The following SHANK2 variants were observed in gnomAD, a reference collection of about 807,000 sequenced individuals.
SHANK2 encodes the protein SH3 and multiple ankyrin repeat domains protein 2.
SHANK2 carries 43 observed loss-of-function variants against 133.7 expected under a neutral mutation model. The observed-to-expected ratio is 0.32, with a 90% CI of 0.25 to 0.41. The LOEUF is 0.41. Ranked by LOEUF, SHANK2 falls within the 10% of genes least tolerant of loss-of-function variation. SHANK2 has a pLI of 1.00. For synonymous variants in SHANK2, 1,017 were observed against 952.8 expected, an observed-to-expected ratio of 1.07 and a Z score of -1.24; for missense variants, 1,994 against 2,235.8, an observed-to-expected ratio of 0.89 and a Z score of 2.18.
chr11:70,853,033 G>A (rs936458783), intron 11 of SHANK2, among the ~76,000 whole-genome samples: 2 of 152,250 alleles, frequency 1.3e-5, no homozygotes, highest in Admixed American at 1.3e-4. Flanking sequence ...TGGGGAAGCA[G>A]AGCCCTCAGG....
intron 17 of SHANK2, among the ~76,000 whole-genome samples, chr11:70,617,105 G>C (rs1554996207): frequency 6.6e-6 from 1 of 151,990 alleles, no homozygotes. Context: ...GAGTGTGTAT[G>C]TGTGTGAGTG....
chr11:70,933,281 G>A (rs1555082840), intron 10 of SHANK2: 1 of 455,186 alleles, frequency 2.2e-6, no homozygotes, highest in Non-Finnish European at 4.4e-6. Flanking sequence ...GATGAATACT[G>A]TAGGATTAAA....
intron 1 of SHANK2, among the ~76,000 whole-genome samples, chr11:71,234,401 A>C (rs1025593739): frequency 2.7e-5 from 4 of 149,832 alleles, no homozygotes; most frequent in African/African-American, 5.0e-5. Flanking sequence ...AAATAAATAA[A>C]TAACAACAAA....
At chr11:70,489,588 A>G in intron 23 of SHANK2, 1 of 566,200 alleles carries the variant, frequency 1.8e-6, no homozygotes. Flanking sequence ...TGGGCTGGGC[A>G]GACCAGAGTC....
intron 3 of SHANK2, among the ~76,000 whole-genome samples, chr11:71,124,095 A>G (rs1952127883): frequency 6.8e-6 from 1 of 146,848 alleles, no homozygotes; most frequent in Non-Finnish European, 1.5e-5. Flanking sequence ...AATGGCGATG[A>G]TAGTGATCAT....
chr11:70,549,570 G>A (rs566940482), intron 17 of SHANK2, among the ~76,000 whole-genome samples: 49 of 152,284 alleles, frequency 3.2e-4, no homozygotes, highest in African/African-American at 1.0e-3. Context: ...AGGGGCAGGC[G>A]GGGGCCGTGG....
chr11:71,087,118 G>A (rs986002641), intron 8 of SHANK2, among the ~76,000 whole-genome samples: 2 of 152,212 alleles, frequency 1.3e-5, no homozygotes, highest in Non-Finnish European at 2.9e-5. Context: ...GGACCAAGGT[G>A]GCCGGGTGGC....
intron 14 of SHANK2, among the ~76,000 whole-genome samples, chr11:70,762,054 G>T (rs1053348495): frequency 1.3e-5 from 2 of 152,166 alleles, no homozygotes; most frequent in African/African-American, 4.8e-5. Flanking sequence ...TGGGCGTGGG[G>T]TTCTTTTTGC....
At chr11:71,120,780 C>T (rs1265047429) in intron 3 of SHANK2, among the ~76,000 whole-genome samples, 2 of 152,174 alleles carry the variant, frequency 1.3e-5, no homozygotes, top group African/African-American at 2.4e-5. Context: ...CAGGTGGGGC[C>T]GCTCACTACT....
chr11:70,699,058 C>A (rs1945464218), intron 14 of SHANK2, among the ~76,000 whole-genome samples: 1 of 152,110 alleles, frequency 6.6e-6, no homozygotes, highest in Non-Finnish European at 1.5e-5. Context: ...AAGCAGCCTG[C>A]AAAGATGAGA....
intron 1 of SHANK2, among the ~76,000 whole-genome samples, chr11:71,236,704 T>C (rs1008368937): frequency 1.3e-5 from 2 of 152,238 alleles, no homozygotes; most frequent in African/African-American, 2.4e-5. Flanking sequence ...GGAATACAGC[T>C]GTGTCCATTC....
At chr11:70,612,892 G>A (rs1418409122) in intron 17 of SHANK2, among the ~76,000 whole-genome samples, 1 of 152,084 alleles carries the variant, frequency 6.6e-6, no homozygotes, top group African/African-American at 2.4e-5. Flanking sequence ...AGATTCACGC[G>A]CCTTGATGAA....
intron 14 of SHANK2, among the ~76,000 whole-genome samples, chr11:70,722,845 T>C (rs1011802252): frequency 1.3e-5 from 2 of 152,234 alleles, no homozygotes; most frequent in Non-Finnish European, 2.9e-5. Context: ...TTACGACTTA[T>C]GAGAAGTGGC....
chr11:70,531,336 G>A (rs1334115774), intron 17 of SHANK2, among the ~76,000 whole-genome samples: 2 of 152,262 alleles, frequency 1.3e-5, no homozygotes, highest in African/African-American at 4.8e-5. Context: ...GCTGGGGGCT[G>A]GTGGTGGGGC....
intron 17 of SHANK2, among the ~76,000 whole-genome samples, chr11:70,617,026 CGTGT>C (rs1162754267): frequency 1.1e-4 from 17 of 151,176 alleles, no homozygotes; most frequent in East Asian, 1.9e-4. Context: ...TGCCTATGAG[CGTGT>C]GTGTCTATGA....
At chr11:71,244,584 A>G (rs1954937285) in intron 1 of SHANK2, among the ~76,000 whole-genome samples, 1 of 152,176 alleles carries the variant, frequency 6.6e-6, no homozygotes, top group Non-Finnish European at 1.5e-5. Flanking sequence ...AAGCTACAAA[A>G]CTTGTGATAT....
chr11:70,953,725 C>A (rs887818650), intron 10 of SHANK2, among the ~76,000 whole-genome samples: 3 of 152,204 alleles, frequency 2.0e-5, no homozygotes, highest in Non-Finnish European at 4.4e-5. Flanking sequence ...CCCACCAACT[C>A]AAATGTCCAC....
intron 2 of SHANK2, among the ~76,000 whole-genome samples, chr11:71,163,093 A>AAAAACATAT: frequency 7.1e-5 from 6 of 84,708 alleles, no homozygotes; most frequent in East Asian, 5.0e-4. Context: ...AAAAAAAAAA[A>AAAAACATAT]ATACATATAT....
chr11:70,830,101 G>A lies in SHANK2; in HGVS notation c.1175-9419C>T, dbSNP rs1295814187. Among the ~76,000 whole-genome samples, 1 of 152,172 alleles carries A rather than the reference G, an allele frequency of 6.6e-6. No homozygotes were observed. The highest frequency in any genetic ancestry group is 1.5e-5 in the Non-Finnish European group (1 of 68,020). The stretch of plus-strand genomic sequence containing the variant: ...TTCCTCATTTGCCAAGAAGTCTGGC[G>A]CTGAAGGCACAGACTCTGCCCCGAC... On this transcript the variant is annotated intron_variant, in intron 11 of 25. Transcript: ENST00000601538. This position sits in a 1 kb window ranked among gnomAD's most constrained non-coding sequence, Gnocchi z 4.4.
Sources: allele counts gnomAD v4.1 joint callset (sites outside exome capture counted in the v4.1 genomes callset), GRCh38; gene constraint gnomAD v4.1.1; non-coding constraint Gnocchi (gnomAD v3.1); transcripts MANE v1.5; gene names NCBI Gene and HGNC (gene_info 2026-07-23, HGNC 2026-07-21).